IRAG2: variants seen among roughly 807,000 people sequenced by gnomAD.
The protein encoded by IRAG2 is lymphoid restricted membrane protein.
A neutral mutation model predicts 69.9 loss-of-function variants in IRAG2; 45 were observed. The observed-to-expected ratio is 0.64, with a 90% CI of 0.51 to 0.83. IRAG2 has a LOEUF of 0.83. IRAG2 is among the 40% of genes least tolerant of loss of function. The pLI is 0.00. For synonymous variants in IRAG2, 193 were observed against 202.4 expected (o/e 0.95, Z 0.40); for missense variants, 520 against 587.0 (o/e 0.89, Z 1.18).
intron 2 of IRAG2, among the ~76,000 whole-genome samples, chr12:25,008,738 CAAAAT>C (rs1383312427): frequency 2.0e-5 from 3 of 151,992 alleles, no homozygotes; most frequent in Non-Finnish European, 4.4e-5. Flanking sequence ...AACTCCATCT[CAAAAT>C]AAAAGAAAAA....
chr12:25,099,757 C>G (rs778181163), intron 15 of IRAG2, among the ~76,000 whole-genome samples: 15 of 151,890 alleles, frequency 9.9e-5, no homozygotes, highest in Non-Finnish European at 1.8e-4. Context: ...ATCCTAGCAC[C>G]TTGGGAGGCC....
chr12:25,098,488 G>A (rs139341544), intron 15 of IRAG2, among the ~76,000 whole-genome samples: 84 of 152,254 alleles, frequency 5.5e-4, no homozygotes, highest in African/African-American at 1.9e-3. Context: ...TGTTCCTAAA[G>A]ATGCGTTGTC....
In IRAG2 at chr12:25,077,244, TATATATATGATATATATATGAA is replaced by T. The variant is rs1565562582; in HGVS notation, c.25-1989_25-1968del. ...AAATATATATGATATATATATGAAATATATATATGATATATATATGAAATATATATGAAATATATATGATATA... is the reference window on the plus strand; with the variant it reads ...AAATATATATGATATATATATGAAATATATATATGAAATATATATGATATA... On this transcript the variant is annotated intron_variant, in intron 6 of 21. Transcript: ENST00000556887. 1.7e-4 allele frequency among the ~76,000 whole-genome samples: 11 copies of T among 63,880 alleles called. 1 individual carries two copies. The highest frequency in any genetic ancestry group is 3.6e-4 in the African/African-American group (7 of 19,224). 41.9% of individuals were successfully genotyped at this position (63,880 alleles called of 152,430 possible).
intron 1 of IRAG2, chr12:25,005,145 A>G (rs569072468): frequency 1.2e-5 from 7 of 562,058 alleles, no homozygotes; most frequent in Non-Finnish European, 1.9e-5. Context: ...GCTGTTTATT[A>G]TGATAGGTTT....
At chr12:25,062,708 A>G (rs1046692060) in intron 2 of IRAG2, 112 bp from the exon 3 acceptor site, 1 of 396,120 alleles carries the variant, frequency 2.5e-6, no homozygotes, top group Non-Finnish European at 4.4e-6. Flanking sequence ...GAACTTGTCA[A>G]TTTCACCCAC....
At chr12:25,069,034 A>C (rs1946164629) in intron 5 of IRAG2, among the ~76,000 whole-genome samples, 2 of 152,176 alleles carry the variant, frequency 1.3e-5, no homozygotes, top group Middle Eastern at 3.2e-3. Flanking sequence ...GGAAACATTA[A>C]AAAATGTCAG....
intron 9 of IRAG2, among the ~76,000 whole-genome samples, chr12:25,029,026 T>G (rs1468599624): frequency 1.3e-5 from 2 of 152,252 alleles, no homozygotes; most frequent in Non-Finnish European, 2.9e-5. Flanking sequence ...AACCTGCACG[T>G]TGTGCACATG....
chr12:25,103,779 G>A, intron 17 of IRAG2, 58 bp from the exon 18 acceptor site: 3 of 1,196,962 alleles, frequency 2.5e-6, no homozygotes, highest in East Asian at 2.3e-5. Flanking sequence ...TATTGGTGTT[G>A]CATATAATGA....
chr12:25,086,027 A>C (rs1192499771), intron 10 of IRAG2, among the ~76,000 whole-genome samples: 2 of 152,122 alleles, frequency 1.3e-5, no homozygotes, highest in African/African-American at 4.8e-5. Flanking sequence ...AAGAAAACTC[A>C]AGTCCTTTAC....
intron 15 of IRAG2, among the ~76,000 whole-genome samples, chr12:25,098,532 T>C (rs1484682435): frequency 6.6e-6 from 1 of 152,198 alleles, no homozygotes; most frequent in African/African-American, 2.4e-5. Flanking sequence ...TTCCCCACTG[T>C]AGATGGGAGC....
intron 6 of IRAG2, among the ~76,000 whole-genome samples, chr12:25,078,322 T>C (rs1222897432): frequency 1.3e-5 from 2 of 152,340 alleles, no homozygotes; most frequent in East Asian, 3.9e-4. Context: ...TCTGTGACTA[T>C]GGGAGATACT....
chr12:25,053,368 T>G (rs559585888), intron 1 of IRAG2, among the ~76,000 whole-genome samples: 1 of 152,102 alleles, frequency 6.6e-6, no homozygotes, highest in African/African-American at 2.4e-5. Context: ...CTTGCTCGTC[T>G]ATTTTCTTTG....
chr12:25,016,703 G>A (rs1480655641), intron 5 of IRAG2, among the ~76,000 whole-genome samples: 3 of 151,344 alleles, frequency 2.0e-5, no homozygotes, highest in East Asian at 1.9e-4. Flanking sequence ...GCGGAGGATC[G>A]TGCCACTGCA....
chr12:25,067,679 A>C (rs1946072874), intron 5 of IRAG2, among the ~76,000 whole-genome samples: 1 of 151,818 alleles, frequency 6.6e-6, no homozygotes, highest in Non-Finnish European at 1.5e-5. Flanking sequence ...ATTTAAATTT[A>C]TTTTTTTGGA....
At chr12:25,060,130 C>T (rs758909114) in intron 1 of IRAG2, among the ~76,000 whole-genome samples, 2 of 152,094 alleles carry the variant, frequency 1.3e-5, no homozygotes, top group Non-Finnish European at 2.9e-5. Flanking sequence ...CTTCTTTGGG[C>T]TGAGAAGGCA....
At chr12:25,067,703 TCTGTCACC>T (rs200162295) in intron 5 of IRAG2, among the ~76,000 whole-genome samples, 2,007 of 152,286 alleles carry the variant, frequency 0.013, 47 homozygotes, top group African/African-American at 0.045. Context: ...AGGATCTCAC[TCTGTCACC>T]CAGGCTAGAG....
chr12:25,027,771 G>A (rs190694376), intron 9 of IRAG2, among the ~76,000 whole-genome samples: 1 of 152,230 alleles, frequency 6.6e-6, no homozygotes, highest in Admixed American at 6.5e-5. Context: ...ATCAGGTGAT[G>A]GGTGTTCAGG....
chr12:24,998,957 C>A, the IRAG2 span, among the ~76,000 whole-genome samples: 1 of 152,120 alleles, frequency 6.6e-6, no homozygotes. Context: ...TTCTACAGAG[C>A]CTTTTGAATC....
chr12:25,107,694 T>G, intron 21 of IRAG2, 123 bp from the exon 22 acceptor site: 1 of 830,492 alleles, frequency 1.2e-6, no homozygotes, highest in Non-Finnish European at 1.9e-6. Context: ...AATCATAATA[T>G]GTAGATTAAA....
Sources: gnomAD v4.1 joint callset for allele counts (sites outside exome capture counted in the v4.1 genomes callset) on GRCh38, gnomAD v4.1.1 for gene constraint, MANE v1.5 for transcripts, NCBI Gene and HGNC (gene_info 2026-07-23, HGNC 2026-07-21) for gene names.